ST8SIA5: variants seen among roughly 807,000 people sequenced by gnomAD.
ST8SIA5 encodes alpha-2,8-sialyltransferase 8E.
ST8SIA5 carries 24 observed loss-of-function variants against 40.2 expected under a neutral mutation model. The observed-to-expected ratio is 0.60, with a 90% CI of 0.43 to 0.84. The LOEUF (loss-of-function observed/expected upper bound fraction) is 0.84, where lower values mean the gene tolerates loss of function less well. Ranked by LOEUF, ST8SIA5 falls within the 40% of genes least tolerant of loss-of-function variation. The probability of loss-of-function intolerance (pLI) is 0.00; values close to 1 mark genes in which losing one functional copy is unlikely to be tolerated. For missense variants in ST8SIA5, 465 were observed against 498.5 expected (o/e 0.93, Z 0.64); for synonymous variants, 198 against 201.8 (o/e 0.98, Z 0.16).
intron 2 of ST8SIA5, among the ~76,000 whole-genome samples, chr18:46,696,963 T>TG (rs2039562388): frequency 6.6e-6 from 1 of 151,686 alleles, no homozygotes; most frequent in Admixed American, 6.6e-5. Flanking sequence ...GGGTGGAGGA[T>TG]GGGGAGGGAG....
At chr18:46,730,212 G>T in intron 1 of ST8SIA5, 1 of 985,146 alleles carries the variant, frequency 1.0e-6, no homozygotes, top group African/African-American at 1.7e-5. Flanking sequence ...TCACCTCCAG[G>T]CAATGCTTGC....
At chr18:46,729,795 G>A (rs1448249125) in intron 1 of ST8SIA5, among the ~76,000 whole-genome samples, 1 of 152,216 alleles carries the variant, frequency 6.6e-6, no homozygotes, top group Non-Finnish European at 1.5e-5. Flanking sequence ...AGATACTGCT[G>A]CTGCCCTCAA....
intron 1 of ST8SIA5, among the ~76,000 whole-genome samples, chr18:46,724,263 G>A (rs1317140885): frequency 1.3e-5 from 2 of 152,260 alleles, no homozygotes; most frequent in African/African-American, 4.8e-5. Context: ...CTGGGCTGAG[G>A]AGGCCCCTTG....
rs115602269 is a variant in ST8SIA5 at position 46,752,145 on chromosome 18, C to A, written c.131+4233G>T. Among the ~76,000 whole-genome samples, 1,052 of 152,296 alleles carry A rather than the reference C, an allele frequency of 6.9e-3. 12 individuals carry two copies. The highest frequency in any genetic ancestry group is 0.024 in the African/African-American group (1,017 of 41,568). On this transcript the variant is annotated intron_variant, in intron 1 of 6. Coordinates refer to ENST00000315087, the MANE Select transcript of ST8SIA5 (RefSeq NM_013305.6). ...AATCCTTGCTCAAACTCGGTTTCAT[C>A]CCCCTTCCTTTCACTTCTGCCTATG...
chr18:46,667,877 G>A lies in ST8SIA5; in HGVS notation c.*12165C>T, dbSNP rs984758628. On this transcript the variant is annotated 3_prime_UTR_variant, in exon 7 of 7. Transcript: ENST00000315087. Reference sequence around the variant, plus strand: ...AGAAATTGAGGGCCGTTCAAACACAGTGACAGATACAAAGTACCCTGATGA... The same window carrying A: ...AGAAATTGAGGGCCGTTCAAACACAATGACAGATACAAAGTACCCTGATGA... 5 of 152,188 alleles carry A rather than the reference G, an allele frequency of 3.3e-5. No homozygotes were observed. Among genetic ancestry groups the A allele is most frequent in the African/African-American group, 1.2e-4 (5 of 41,416 alleles). 9.4% of individuals were successfully genotyped at this position (152,188 alleles called of 1,614,324 possible).
At chr18:46,683,289 T>C (rs2039415989) in intron 5 of ST8SIA5, among the ~76,000 whole-genome samples, 1 of 152,216 alleles carries the variant, frequency 6.6e-6, no homozygotes, top group African/African-American at 2.4e-5. Flanking sequence ...ATTCATTTTA[T>C]TGTTTTGCTT....
chr18:46,732,030 T>G (rs191225666), intron 1 of ST8SIA5, among the ~76,000 whole-genome samples: 1 of 152,168 alleles, frequency 6.6e-6, no homozygotes, highest in African/African-American at 2.4e-5. Flanking sequence ...AAGACAGGCC[T>G]CGGGTTGCCA....
rs927609587 is a variant in ST8SIA5 at position 46,677,941 on chromosome 18, G to T, written c.*2101C>A. 1.2e-4 allele frequency: 19 copies of T among 152,254 alleles called. No individual in the cohort carries two copies. Among genetic ancestry groups the T allele is most frequent in the African/African-American group, 4.3e-4 (18 of 41,468 alleles). 9.4% of individuals were successfully genotyped at this position (152,254 alleles called of 1,614,324 possible). A position where few individuals can be genotyped will look rare whatever the true frequency, so the allele number is the denominator to read the frequency against. ...CTTTGCTCTGGGCCTGTTTCCTAAAGTGGAACAAAATGGTCTTTAAGAACC... is the reference window on the plus strand; with the variant it reads ...CTTTGCTCTGGGCCTGTTTCCTAAATTGGAACAAAATGGTCTTTAAGAACC... On this transcript the variant is annotated 3_prime_UTR_variant, in exon 7 of 7. Transcript: ENST00000315087.
At chr18:46,733,775 T>G (rs148146243) in intron 1 of ST8SIA5, among the ~76,000 whole-genome samples, 23 of 151,868 alleles carry the variant, frequency 1.5e-4, no homozygotes, top group Admixed American at 2.0e-4. Context: ...GAGGCAGAGG[T>G]GAGGGGAGGA....
intron 2 of ST8SIA5, 125 bp from the exon 3 acceptor site, chr18:46,692,380 T>G (rs1017462659): frequency 1.3e-6 from 1 of 755,118 alleles, no homozygotes; most frequent in Non-Finnish European, 2.2e-6. Context: ...CCCTTGGCAT[T>G]GACCATGTTT....
At chr18:46,739,953 T>A (rs986115313) in intron 1 of ST8SIA5, among the ~76,000 whole-genome samples, 1 of 152,156 alleles carries the variant, frequency 6.6e-6, no homozygotes, top group Non-Finnish European at 1.5e-5. Flanking sequence ...TGGGGTCCAC[T>A]GAGGCTTTCT....
intron 1 of ST8SIA5, among the ~76,000 whole-genome samples, chr18:46,725,839 G>A (rs2039912463): frequency 6.6e-6 from 1 of 150,552 alleles, no homozygotes; most frequent in South Asian, 2.1e-4. Flanking sequence ...AACATTTCAT[G>A]GCTGGGCACA....
intron 1 of ST8SIA5, among the ~76,000 whole-genome samples, chr18:46,709,135 C>A (rs914271714): frequency 6.6e-6 from 1 of 152,214 alleles, no homozygotes; most frequent in Admixed American, 6.5e-5. Context: ...ATCCCCAATA[C>A]AAACATTAAG....
chr18:46,698,248 C>G (rs1193149445), intron 2 of ST8SIA5, among the ~76,000 whole-genome samples: 1 of 151,650 alleles, frequency 6.6e-6, no homozygotes, highest in Non-Finnish European at 1.5e-5. Context: ...ACAATCAAAA[C>G]AACAACCCAA....
At chr18:46,727,150 C>A (rs1465051496) in intron 1 of ST8SIA5, among the ~76,000 whole-genome samples, 1 of 152,190 alleles carries the variant, frequency 6.6e-6, no homozygotes, top group Admixed American at 6.5e-5. Context: ...TATTTAGAGG[C>A]CTCAAGCACT....
At chr18:46,720,385 C>T (rs1318835788) in intron 1 of ST8SIA5, among the ~76,000 whole-genome samples, 1 of 152,186 alleles carries the variant, frequency 6.6e-6, no homozygotes. Context: ...ATAAGACCCT[C>T]CAGCCCAGGC....
intron 1 of ST8SIA5, among the ~76,000 whole-genome samples, chr18:46,712,861 C>T (rs886442987): frequency 1.3e-5 from 2 of 152,088 alleles, no homozygotes; most frequent in African/African-American, 4.8e-5. Context: ...TTGGAGGGTG[C>T]CTGGAAGGAT....
At chr18:46,740,333 A>C (rs1212194845) in intron 1 of ST8SIA5, among the ~76,000 whole-genome samples, 3 of 152,170 alleles carry the variant, frequency 2.0e-5, no homozygotes, top group Admixed American at 2.0e-4. Context: ...TGCAAAAGAG[A>C]AGAAGGGAGA....
At chr18:46,700,931 G>A (rs904623302) in intron 2 of ST8SIA5, among the ~76,000 whole-genome samples, 4 of 152,094 alleles carry the variant, frequency 2.6e-5, no homozygotes, top group Non-Finnish European at 5.9e-5. Flanking sequence ...CAGACCATGG[G>A]GACATATGAG....
Sources: allele counts gnomAD v4.1 joint callset (sites outside exome capture counted in the v4.1 genomes callset), GRCh38; gene constraint gnomAD v4.1.1; transcripts MANE v1.5; gene names NCBI Gene and HGNC (gene_info 2026-07-23, HGNC 2026-07-21).